ARSB: variants seen among roughly 807,000 people sequenced by gnomAD.
The protein encoded by ARSB is N-acetylgalactosamine-4-sulfatase.
ARSB carries 41 observed loss-of-function variants against 50.9 expected under a neutral mutation model. The observed-to-expected ratio is 0.81, with a 90% confidence interval of 0.63 to 1.04. ARSB has a LOEUF of 1.04. Ranked by LOEUF, ARSB falls within the 50% of genes least tolerant of loss-of-function variation. The pLI, the probability that ARSB is intolerant of heterozygous loss-of-function variation, is 0.00. For synonymous variants in ARSB, 269 were observed against 284.8 expected (o/e 0.94, Z 0.56); for missense variants, 672 against 693.3 (o/e 0.97, Z 0.35).
At chr5:78,890,507 C>T (rs2112231296) in intron 4 of ARSB, among the ~76,000 whole-genome samples, 1 of 152,224 alleles carries the variant, frequency 6.6e-6, no homozygotes, top group African/African-American at 2.4e-5. Flanking sequence ...TTCCAATCAT[C>T]CCCCCTTCTG....
At chr5:78,842,367 G>C (rs960648851) in intron 5 of ARSB, among the ~76,000 whole-genome samples, 10 of 152,182 alleles carry the variant, frequency 6.6e-5, no homozygotes, top group Admixed American at 2.6e-4. Context: ...GAAAAGACCA[G>C]TAAATGGCAG....
At chr5:78,851,621 C>T (rs932256524) in intron 5 of ARSB, among the ~76,000 whole-genome samples, 1 of 152,106 alleles carries the variant, frequency 6.6e-6, no homozygotes, top group South Asian at 2.1e-4. Flanking sequence ...TCTTTGTTAA[C>T]TTTCTGTCTC....
At chr5:78,781,280 A>G (rs1356271355) in intron 7 of ARSB, among the ~76,000 whole-genome samples, 1 of 123,754 alleles carries the variant, frequency 8.1e-6, no homozygotes, top group Non-Finnish European at 1.7e-5. Context: ...TCTTCCTTTC[A>G]CCCCTGCTAC....
intron 5 of ARSB, among the ~76,000 whole-genome samples, chr5:78,861,441 T>G (rs897094322): frequency 6.6e-5 from 10 of 152,140 alleles, no homozygotes; most frequent in African/African-American, 1.4e-4. Context: ...ATCCCTGGGA[T>G]GCATGGCTGG....
Position 78,892,779 on chromosome 5 carries a change from G to A in ARSB, c.899-6952C>T, listed in dbSNP as rs116591887. On this transcript the variant is annotated intron_variant, in intron 4 of 7. Transcript: ENST00000264914. ...TGTTCAAATACACATTTGATTATTC[G>A]TAGGGGTTTAAAATGGTTTGCAGCA... Among the ~76,000 whole-genome samples, 515 of 152,278 alleles carry A rather than the reference G, an allele frequency of 3.4e-3. 3 individuals carry two copies. Among genetic ancestry groups the A allele is most frequent in the African/African-American group, 0.012 (479 of 41,564 alleles).
At chr5:78,835,959 T>A (rs976070210) in intron 6 of ARSB, among the ~76,000 whole-genome samples, 7 of 152,228 alleles carry the variant, frequency 4.6e-5, no homozygotes, top group Non-Finnish European at 7.3e-5. Flanking sequence ...ACTCCATTGT[T>A]AACCCTCAGT....
In ARSB at chr5:78,985,228, C is replaced by A; in HGVS notation, c.21G>T (p.Ala7=). MGPRGA[A]SLPRGPGPRR... The stretch of plus-strand genomic sequence containing the variant: ...GAGGTCCGGGGCCTCGGGGCAAGCT[C>A]GCCGCGCCGCGCGGACCCATCCTTG... Residue 7 remains alanine (A), a synonymous_variant, in exon 1 of 8, where the codon GCG becomes GCT. Coordinates refer to ENST00000264914, the MANE Select transcript of ARSB (RefSeq NM_000046.5). The A allele has an allele frequency of 2.3e-6, 3 of 1,329,824 alleles. No homozygotes were observed. The highest frequency in any genetic ancestry group is 4.1e-5 in the Admixed American group (1 of 24,536). 82.4% of individuals were successfully genotyped at this position (1,329,824 alleles called of 1,614,324 possible).
At chr5:78,862,170 A>C (rs951079659) in intron 5 of ARSB, among the ~76,000 whole-genome samples, 4 of 152,172 alleles carry the variant, frequency 2.6e-5, no homozygotes, top group Non-Finnish European at 5.9e-5. Flanking sequence ...GAATCAATAT[A>C]GTGAAAATGG....
intron 4 of ARSB, among the ~76,000 whole-genome samples, chr5:78,929,154 C>A (rs1750199138): frequency 1.3e-5 from 2 of 152,200 alleles, no homozygotes; most frequent in Non-Finnish European, 2.9e-5. Flanking sequence ...GTGGCTCCTG[C>A]AGATGTGTAG....
At chr5:78,818,672 C>T (rs771117324) in intron 6 of ARSB, among the ~76,000 whole-genome samples, 9 of 120,086 alleles carry the variant, frequency 7.5e-5, no homozygotes, top group Non-Finnish European at 8.0e-5. Context: ...AGTGCAGTGG[C>T]GTGATCTCAA....
At chr5:78,956,384 G>C (rs183383598) in intron 3 of ARSB, among the ~76,000 whole-genome samples, 124 of 152,234 alleles carry the variant, frequency 8.1e-4, no homozygotes, top group Middle Eastern at 3.4e-3. Flanking sequence ...GGAATGGTGA[G>C]TGATTGCTAA....
intron 4 of ARSB, among the ~76,000 whole-genome samples, chr5:78,897,858 A>T (rs1443758144): frequency 6.6e-6 from 1 of 152,176 alleles, no homozygotes; most frequent in East Asian, 1.9e-4. Context: ...ACCAATTTTT[A>T]AATATTTTTT....
chr5:78,887,236 T>A (rs1748080821), intron 4 of ARSB, among the ~76,000 whole-genome samples: 1 of 152,190 alleles, frequency 6.6e-6, no homozygotes, highest in Non-Finnish European at 1.5e-5. Context: ...AGGGCTTTTG[T>A]GCTGCATCAT....
At chr5:78,974,501 G>A (rs541594690) in intron 1 of ARSB, among the ~76,000 whole-genome samples, 6 of 152,006 alleles carry the variant, frequency 3.9e-5, no homozygotes, top group Admixed American at 1.3e-4. Context: ...GAAAGCTGAG[G>A]GAAAGGAATC....
intron 4 of ARSB, among the ~76,000 whole-genome samples, chr5:78,926,057 C>T (rs1039183872): frequency 1.3e-5 from 2 of 151,972 alleles, no homozygotes; most frequent in Non-Finnish European, 2.9e-5. Flanking sequence ...TATATTTGAA[C>T]TATATAGTTT....
At chr5:78,825,255 T>C (rs1025345533) in intron 6 of ARSB, among the ~76,000 whole-genome samples, 3 of 152,356 alleles carry the variant, frequency 2.0e-5, no homozygotes, top group African/African-American at 7.2e-5. Context: ...ATGAAAAATG[T>C]AGTTCTTAGC....
At chr5:78,810,045 A>C (rs1224219358) in intron 6 of ARSB, among the ~76,000 whole-genome samples, 1 of 152,232 alleles carries the variant, frequency 6.6e-6, no homozygotes, top group East Asian at 1.9e-4. Context: ...AAGAAAAGGC[A>C]CAGCTCCAAA....
chr5:78,790,001 C>T (rs951365884), intron 6 of ARSB, among the ~76,000 whole-genome samples: 3 of 152,076 alleles, frequency 2.0e-5, no homozygotes, highest in Admixed American at 1.3e-4. Flanking sequence ...AAGCGTGGCA[C>T]AAACAGCGCT....
chr5:78,858,344 C>T (rs1746258732), intron 5 of ARSB, among the ~76,000 whole-genome samples: 1 of 152,078 alleles, frequency 6.6e-6, no homozygotes, highest in Non-Finnish European at 1.5e-5. Context: ...TTTGAATTTA[C>T]CCCAAATTTC....
Sources: allele counts gnomAD v4.1 joint callset (sites outside exome capture counted in the v4.1 genomes callset), GRCh38; gene constraint gnomAD v4.1.1; transcripts MANE v1.5; gene names NCBI Gene and HGNC (gene_info 2026-07-23, HGNC 2026-07-21).